Variants in ENTREP1 observed in about 807,000 individuals in gnomAD.
ENTREP1 encodes endosomal transmembrane epsin interactor 1.
the ENTREP1 span, among the ~76,000 whole-genome samples, chr9:69,343,390 G>A: frequency 6.6e-6 from 1 of 152,290 alleles, no homozygotes; most frequent in East Asian, 1.9e-4. Flanking sequence ...CCAGTTCTCA[G>A]AAGGGATGAG....
At chr9:69,378,424 C>CATCTTTT in the ENTREP1 span, among the ~76,000 whole-genome samples, 4 of 152,298 alleles carry the variant, frequency 2.6e-5, no homozygotes, top group South Asian at 8.3e-4. Flanking sequence ...ATGCCGCATA[C>CATCTTTT]ATCTGTCTGA....
At chr9:69,370,702 G>C in the ENTREP1 span, among the ~76,000 whole-genome samples, 1 of 152,208 alleles carries the variant, frequency 6.6e-6, no homozygotes, top group Non-Finnish European at 1.5e-5. Flanking sequence ...TTCTCCCTTA[G>C]AGTTCATATG....
At chr9:69,345,210 T>G in the ENTREP1 span, among the ~76,000 whole-genome samples, 1 of 152,188 alleles carries the variant, frequency 6.6e-6, no homozygotes, top group South Asian at 2.1e-4. Flanking sequence ...ATGGTAGAAT[T>G]GGGTATAATG....
chr9:69,354,140 A>AT, the ENTREP1 span, among the ~76,000 whole-genome samples: 4 of 150,050 alleles, frequency 2.7e-5, no homozygotes, highest in African/African-American at 7.4e-5. Context: ...TGTCTTACGT[A>AT]TTTTTTTTAT....
At chr9:69,358,414 T>C in the ENTREP1 span, among the ~76,000 whole-genome samples, 1 of 152,234 alleles carries the variant, frequency 6.6e-6, no homozygotes, top group African/African-American at 2.4e-5. Flanking sequence ...CATTGACTGG[T>C]TGACTGACTC....
At chr9:69,371,289 T>C in the ENTREP1 span, 1 of 602,332 alleles carries the variant, frequency 1.7e-6, no homozygotes, top group South Asian at 1.9e-5. Context: ...CTTGAGGTTA[T>C]TGAGAAGACT....
the ENTREP1 span, among the ~76,000 whole-genome samples, chr9:69,356,385 C>CAGG: frequency 2.0e-5 from 3 of 152,144 alleles, no homozygotes; most frequent in Non-Finnish European, 2.9e-5. Context: ...ATATGAGGAA[C>CAGG]GCCCTGTGAG....
At chr9:69,346,797 G>A in the ENTREP1 span, among the ~76,000 whole-genome samples, 1 of 152,310 alleles carries the variant, frequency 6.6e-6, no homozygotes, top group Admixed American at 6.5e-5. Context: ...AAGCTGCTGG[G>A]TGAAAACCAG....
chr9:69,344,670 AC>A, the ENTREP1 span, among the ~76,000 whole-genome samples: 1 of 151,756 alleles, frequency 6.6e-6, no homozygotes, highest in Non-Finnish European at 1.5e-5. Context: ...CGTGACCTCT[AC>A]CCCCTGGAGC....
At chr9:69,339,218 G>T in the ENTREP1 span, among the ~76,000 whole-genome samples, 1 of 151,774 alleles carries the variant, frequency 6.6e-6, no homozygotes. Flanking sequence ...TGGGAGTCTC[G>T]CAACATTACC....
At chr9:69,367,563 C>G in the ENTREP1 span, among the ~76,000 whole-genome samples, 2 of 145,086 alleles carry the variant, frequency 1.4e-5, no homozygotes, top group African/African-American at 5.1e-5. Context: ...TTCTAGAGGT[C>G]TTTTACCTCC....
At chr9:69,367,628 T>A in the ENTREP1 span, among the ~76,000 whole-genome samples, 5 of 141,260 alleles carry the variant, frequency 3.5e-5, no homozygotes, top group East Asian at 2.0e-4. Flanking sequence ...CACATATATA[T>A]AAATATATAT....
the ENTREP1 span, among the ~76,000 whole-genome samples, chr9:69,327,230 C>T: frequency 7.9e-5 from 12 of 152,116 alleles, no homozygotes; most frequent in Non-Finnish European, 1.2e-4. Context: ...CATGAAAAAA[C>T]GCCACCCTGG....
At chr9:69,370,306 A>C in the ENTREP1 span, among the ~76,000 whole-genome samples, 1 of 152,186 alleles carries the variant, frequency 6.6e-6, no homozygotes, top group Non-Finnish European at 1.5e-5. Context: ...CTAGTGTGTA[A>C]TAGAAGCCCA....
the ENTREP1 span, chr9:69,391,856 C>T: frequency 6.7e-7 from 1 of 1,498,004 alleles, no homozygotes; most frequent in Non-Finnish European, 9.1e-7. Flanking sequence ...CTCCTCTCTG[C>T]CATTTCTTGG....
At chr9:69,378,296 TATTA>T in the ENTREP1 span, among the ~76,000 whole-genome samples, 13 of 152,258 alleles carry the variant, frequency 8.5e-5, no homozygotes, top group South Asian at 2.1e-4. Flanking sequence ...AGAGATTAAT[TATTA>T]ATTGTCTCTC....
chr9:69,377,682 G>T, the ENTREP1 span: 2 of 1,613,982 alleles, frequency 1.2e-6, no homozygotes, highest in South Asian at 1.1e-5. Context: ...ATTTTGTGCC[G>T]CCTGTGCCTC....
At chr9:69,369,824 G>T in the ENTREP1 span, among the ~76,000 whole-genome samples, 33 of 151,968 alleles carry the variant, frequency 2.2e-4, no homozygotes, top group African/African-American at 7.7e-4. Flanking sequence ...GTGCTTATTG[G>T]CTATTCTTAT....
chr9:69,328,206 C>T, the ENTREP1 span, among the ~76,000 whole-genome samples: 253 of 152,242 alleles, frequency 1.7e-3, 1 homozygote, highest in Admixed American at 4.5e-3. Context: ...ATATTCCAAG[C>T]AGGGTGGGAA....
Sources: allele counts gnomAD v4.1 joint callset (sites outside exome capture counted in the v4.1 genomes callset), GRCh38; gene constraint gnomAD v4.1.1; transcripts MANE v1.5; gene names NCBI Gene and HGNC (gene_info 2026-07-23, HGNC 2026-07-21).